FN1: variants seen among roughly 807,000 people sequenced by gnomAD.
The protein encoded by FN1 is fibronectin.
FN1 carries 106 observed loss-of-function variants against 297.3 expected under a neutral mutation model. That is an observed-to-expected ratio of 0.36 (90% CI 0.30 to 0.42). FN1 has a LOEUF of 0.42. Ranked by LOEUF, FN1 falls within the 10% of genes least tolerant of loss-of-function variation. The pLI is 1.00. For synonymous variants in FN1, 1,149 were observed against 1,152.6 expected (o/e 1.00, Z 0.06); for missense variants, 2,690 against 3,124.9 (o/e 0.86, Z 3.32).
chr2:215,409,218 T>G (rs2062217080), intron 15 of FN1, among the ~76,000 whole-genome samples: 1 of 151,990 alleles, frequency 6.6e-6, no homozygotes, highest in South Asian at 2.1e-4. Context: ...CCATAACAAT[T>G]TGAAAAGTAT....
chr2:215,401,251 G>GA (rs1559475860), intron 20 of FN1, among the ~76,000 whole-genome samples: 1,496 of 80,218 alleles, frequency 0.019, 103 homozygotes, highest in African/African-American at 0.071. Flanking sequence ...AGAAAGAAAG[G>GA]AAGAAAGAAA....
chr2:215,419,166 G>A, intron 12 of FN1, 76 bp downstream of exon 12: 1 of 1,300,748 alleles, frequency 7.7e-7, no homozygotes. Flanking sequence ...ACTTAGGCAT[G>A]AGAGCATTAA....
chr2:215,374,512 C>T (rs750488768), intron 38 of FN1, among the ~76,000 whole-genome samples: 1 of 152,172 alleles, frequency 6.6e-6, no homozygotes, highest in Non-Finnish European at 1.5e-5. Flanking sequence ...TCTGGAAGTT[C>T]CTCCTGTGTG....
intron 22 of FN1, 45 bp from the exon 23 acceptor site, chr2:215,397,268 C>T (rs1443186298): frequency 7.3e-7 from 1 of 1,375,294 alleles, no homozygotes; most frequent in Non-Finnish European, 1.0e-6. Flanking sequence ...ACACAAAGCT[C>T]TTGACCTGTG....
chr2:215,376,180 T>G (rs1354450331), intron 36 of FN1, among the ~76,000 whole-genome samples: 1 of 152,242 alleles, frequency 6.6e-6, no homozygotes, highest in Non-Finnish European at 1.5e-5. Context: ...AATGCTAAGA[T>G]CTATACATCA....
chr2:215,396,648 T>C (rs942186572), intron 23 of FN1, among the ~76,000 whole-genome samples: 15 of 152,214 alleles, frequency 9.9e-5, no homozygotes, highest in African/African-American at 3.4e-4. Context: ...GGCCAATTTT[T>C]TCTAAGTCTC....
intron 13 of FN1, 124 bp downstream of exon 13, chr2:215,414,713 T>C: frequency 6.7e-7 from 1 of 1,484,502 alleles, no homozygotes; most frequent in East Asian, 2.4e-5. Flanking sequence ...ACTAAACAAA[T>C]ATAGTAAATG....
rs2061523342 is a variant in FN1 at position 215,404,500 on chromosome 2, C to G, written c.3142G>C (p.Val1048Leu). 29 of 1,613,916 alleles carry G rather than the reference C, an allele frequency of 1.8e-5. No individual in the cohort carries two copies. The highest frequency in any genetic ancestry group is 2.4e-5 in the Non-Finnish European group (28 of 1,179,996). The stretch of plus-strand genomic sequence containing the variant: ...AGATTCCTCAGTGGGTACTTGGAGA[C>G]AGAGGGACCCACATTGTACTGCCTG... The part of the protein sequence containing the change: ...QPRQYNVGPS[V>L]SKYPLRNLQP... Residue 1048 changes from valine to leucine, a missense_variant, in exon 20 of 46, where the codon GTC becomes CTC. Val to Leu is a conservative substitution (Grantham distance 32). Coordinates refer to ENST00000354785, the MANE Select transcript of FN1 (RefSeq NM_212482.4).
At chr2:215,433,748 T>C (rs569795876) in intron 2 of FN1, among the ~76,000 whole-genome samples, 2 of 152,246 alleles carry the variant, frequency 1.3e-5, no homozygotes, top group Admixed American at 6.5e-5. Context: ...AGAGCTAGAT[T>C]TGTGAAGGGT....
At chr2:215,420,528 G>C in intron 11 of FN1, 145 bp downstream of exon 11, 1 of 1,000,028 alleles carries the variant, frequency 1.0e-6, no homozygotes, top group Non-Finnish European at 1.6e-6. Flanking sequence ...CAGTATTAGA[G>C]AGAAGACTTT....
At chr2:215,416,156 T>C (rs2063404183) in intron 12 of FN1, among the ~76,000 whole-genome samples, 1 of 152,194 alleles carries the variant, frequency 6.6e-6, no homozygotes, top group African/African-American at 2.4e-5. Context: ...ATAACTTGGA[T>C]ATCCATGTAG....
chr2:215,401,197 GAAAA>G (rs1227869729), intron 20 of FN1, among the ~76,000 whole-genome samples: 1,908 of 77,278 alleles, frequency 0.025, 33 homozygotes, highest in African/African-American at 0.044. Context: ...GAGAAAGAAA[GAAAA>G]GAAAGAAAGA....
At chr2:215,387,668 TA>T (rs1467432288) in intron 27 of FN1, among the ~76,000 whole-genome samples, 1 of 152,198 alleles carries the variant, frequency 6.6e-6, no homozygotes, top group Non-Finnish European at 1.5e-5. Flanking sequence ...GAAACCAAAC[TA>T]AGATATCATA....
Position 215,392,593 on chromosome 2 carries a change from G to A in FN1, c.4069+338C>T, listed in dbSNP as rs528466153. 4.9e-5 allele frequency: 17 copies of A among 345,866 alleles called. No individual in the cohort carries two copies. In the East Asian group the frequency reaches 6.4e-4, roughly 13 times the overall value. The allele number at this position is 345,866 out of a possible 1,614,324, so 21.4% of individuals were successfully genotyped here. The stretch of plus-strand genomic sequence containing the variant: ...TTTCTTATAATTAATTGGTACTTAC[G>A]CAATTTGGTATTCGTGTTTGGTATT... On this transcript the variant is annotated intron_variant, in intron 25 of 45. Coordinates refer to ENST00000354785, the MANE Select transcript of FN1 (RefSeq NM_212482.4).
intron 38 of FN1, among the ~76,000 whole-genome samples, chr2:215,374,928 C>T (rs903772007): frequency 5.9e-5 from 9 of 152,192 alleles, no homozygotes; most frequent in Admixed American, 5.9e-4. Flanking sequence ...TGAAAAATAT[C>T]TTTCTCCAGG....
intron 31 of FN1, among the ~76,000 whole-genome samples, chr2:215,383,053 G>A (rs1291161844): frequency 6.6e-6 from 1 of 150,930 alleles, no homozygotes; most frequent in African/African-American, 2.4e-5. Context: ...CACCCAGGCT[G>A]GAGTGCAGTG....
chr2:215,408,939 T>C (rs1383702649), intron 15 of FN1, among the ~76,000 whole-genome samples: 6 of 152,158 alleles, frequency 3.9e-5, no homozygotes, highest in African/African-American at 1.2e-4. Context: ...TCCTCCTCCT[T>C]CTTCCTTTCA....
chr2:215,428,723 G>C (rs1374304737), intron 5 of FN1, among the ~76,000 whole-genome samples: 2 of 151,992 alleles, frequency 1.3e-5, no homozygotes, highest in Admixed American at 1.3e-4. Context: ...CCTTGCTTTA[G>C]AAAACTAAAA....
chr2:215,405,889 A>G, intron 19 of FN1, among the ~76,000 whole-genome samples: 1 of 152,200 alleles, frequency 6.6e-6, no homozygotes. Flanking sequence ...CTATTGTTAA[A>G]TGAATTCTAC....
Sources: allele counts gnomAD v4.1 joint callset (sites outside exome capture counted in the v4.1 genomes callset), GRCh38; gene constraint gnomAD v4.1.1; transcripts MANE v1.5; gene names NCBI Gene and HGNC (gene_info 2026-07-23, HGNC 2026-07-21).